Variants in ATP8A2 observed in about 807,000 individuals in gnomAD.
The protein encoded by ATP8A2 is phospholipid-transporting ATPase IB.
ATP8A2 carries 100 observed loss-of-function variants against 165.6 expected under a neutral mutation model. The ratio of observed to expected loss-of-function variants is 0.60; its 90% CI spans 0.51 to 0.71. ATP8A2 has a LOEUF of 0.71. Ranked by LOEUF, ATP8A2 falls within the 30% of genes least tolerant of loss-of-function variation. The pLI is 0.00. For synonymous variants in ATP8A2, 543 were observed against 548.8 expected (o/e 0.99, Z 0.15); for missense variants, 1,227 against 1,479.5 (o/e 0.83, Z 2.80).
intron 33 of ATP8A2, among the ~76,000 whole-genome samples, chr13:25,902,695 C>T (rs769977475): frequency 2.4e-4 from 36 of 152,146 alleles, no homozygotes; most frequent in Non-Finnish European, 4.6e-4. Context: ...TACATTTGCC[C>T]TTGACTGTTC....
intron 30 of ATP8A2, among the ~76,000 whole-genome samples, chr13:25,842,716 A>G (rs1029409999): frequency 3.3e-5 from 5 of 150,976 alleles, no homozygotes; most frequent in Admixed American, 6.6e-5. Context: ...GAAAGAAGGA[A>G]GGAAGGAAGG....
At chr13:25,647,236 T>C (rs1194270733) in intron 24 of ATP8A2, among the ~76,000 whole-genome samples, 1 of 152,238 alleles carries the variant, frequency 6.6e-6, no homozygotes, top group African/African-American at 2.4e-5. Flanking sequence ...TCACAGCCTT[T>C]TGTTTCAGCT....
intron 1 of ATP8A2, among the ~76,000 whole-genome samples, chr13:25,426,522 G>A (rs2034452183): frequency 6.6e-6 from 1 of 152,128 alleles, no homozygotes; most frequent in East Asian, 1.9e-4. Flanking sequence ...AAGCACGGAG[G>A]ATTTTGAGAG....
intron 27 of ATP8A2, among the ~76,000 whole-genome samples, chr13:25,805,287 T>G (rs1361735256): frequency 2.0e-5 from 3 of 152,026 alleles, no homozygotes; most frequent in Admixed American, 6.6e-5. Context: ...GGTGGACATA[T>G]CACTTGAGCC....
chr13:25,717,785 C>A (rs909482934), intron 25 of ATP8A2, among the ~76,000 whole-genome samples: 1 of 152,194 alleles, frequency 6.6e-6, no homozygotes, highest in Non-Finnish European at 1.5e-5. Context: ...CTGAATGCCT[C>A]CCTCAGTATA....
chr13:25,652,301 C>A (rs887351525), intron 24 of ATP8A2, among the ~76,000 whole-genome samples: 5 of 152,142 alleles, frequency 3.3e-5, no homozygotes, highest in African/African-American at 1.2e-4. Context: ...ATTCATTGAG[C>A]AAGCTTTTTC....
intron 2 of ATP8A2, among the ~76,000 whole-genome samples, chr13:25,509,526 T>A (rs1275500785): frequency 1.3e-5 from 2 of 152,126 alleles, no homozygotes; most frequent in Admixed American, 6.5e-5. Context: ...AAAAATAGTA[T>A]GTTTTCTGGA....
chr13:25,720,449 A>C (rs1040299845), intron 25 of ATP8A2, among the ~76,000 whole-genome samples: 1 of 152,078 alleles, frequency 6.6e-6, no homozygotes, highest in African/African-American at 2.4e-5. Flanking sequence ...GGCATGAGCC[A>C]CTGCGCCTGG....
intron 24 of ATP8A2, among the ~76,000 whole-genome samples, chr13:25,602,209 G>A (rs2040406199): frequency 6.6e-6 from 1 of 152,108 alleles, no homozygotes; most frequent in South Asian, 2.1e-4. Context: ...TCCTTTGAAG[G>A]CACTTGCATT....
Position 25,860,806 on chromosome 13 carries a change from T to C in ATP8A2, c.3021T>C (p.Tyr1007=). The C allele has an allele frequency of 6.3e-7, 1 of 1,592,858 alleles. No homozygotes were observed. Among genetic ancestry groups the C allele is most frequent in the Non-Finnish European group, 8.6e-7 (1 of 1,166,432 alleles). ...YLFVGNIVYT[Y]VVVTVCLKAG... Reference sequence around the variant, plus strand: ...CAAACTGTCTTTTATTTTCACAGTATGTTGTTGTTACTGTTTGTCTGAAAG... The same window carrying C: ...CAAACTGTCTTTTATTTTCACAGTACGTTGTTGTTACTGTTTGTCTGAAAG... The change falls in exon 32 of 37, where the codon TAT becomes TAC. Residue 1007 remains tyrosine, a splice_region_variant and synonymous_variant. Transcript: ENST00000381655.
At chr13:25,786,705 G>T (rs570577245) in intron 27 of ATP8A2, among the ~76,000 whole-genome samples, 360 of 150,148 alleles carry the variant, frequency 2.4e-3, no homozygotes, top group African/African-American at 7.3e-3. Context: ...TAAAAATAAG[G>T]TATAATTTAC....
At chr13:25,529,438 C>T (rs2037958754) in intron 2 of ATP8A2, among the ~76,000 whole-genome samples, 1 of 152,084 alleles carries the variant, frequency 6.6e-6, no homozygotes, top group African/African-American at 2.4e-5. Context: ...TGTAGGCTTG[C>T]ATGAGGAGTG....
chr13:25,393,506 C>T (rs2033319099), intron 1 of ATP8A2, among the ~76,000 whole-genome samples: 2 of 152,290 alleles, frequency 1.3e-5, no homozygotes, highest in Non-Finnish European at 2.9e-5. Flanking sequence ...ACCTCTGCCT[C>T]CTGGGTTCAA....
At chr13:25,937,798 G>A (rs560891467) in intron 33 of ATP8A2, among the ~76,000 whole-genome samples, 12 of 142,268 alleles carry the variant, frequency 8.4e-5, no homozygotes, top group South Asian at 2.2e-4. Context: ...GTAGTGAGCC[G>A]AGATGGCAAC....
intron 1 of ATP8A2, among the ~76,000 whole-genome samples, chr13:25,464,673 G>A (rs2035589225): frequency 6.6e-6 from 1 of 152,152 alleles, no homozygotes; most frequent in Non-Finnish European, 1.5e-5. Flanking sequence ...AGATGGTATT[G>A]CACGGTATGA....
At chr13:25,659,721 A>G (rs1267161318) in intron 24 of ATP8A2, among the ~76,000 whole-genome samples, 1 of 152,152 alleles carries the variant, frequency 6.6e-6, no homozygotes, top group Non-Finnish European at 1.5e-5. Flanking sequence ...AGAAACTTGT[A>G]AGGACCTCTC....
chr13:25,694,259 C>T lies in ATP8A2; in HGVS notation c.2212-4914C>T, dbSNP rs117922707. 5.9e-5 allele frequency among the ~76,000 whole-genome samples: 9 copies of T among 152,258 alleles called. No homozygotes were observed. In the East Asian group the frequency reaches 1.5e-3, roughly 26 times the overall value. ...TACAAAAAGCCACAGGCAATGGGCT[C>T]CACATTTCAGAGATTTTTATTCCTC... On this transcript the variant is annotated intron_variant, in intron 24 of 36. Transcript: ENST00000381655.
intron 24 of ATP8A2, among the ~76,000 whole-genome samples, chr13:25,676,120 T>C (rs549076661): frequency 3.3e-5 from 5 of 152,268 alleles, no homozygotes; most frequent in South Asian, 4.1e-4. Context: ...GAAGGATAAA[T>C]ATTCTAATAG....
At chr13:25,578,493 C>G (rs1172750056) in intron 20 of ATP8A2, among the ~76,000 whole-genome samples, 2 of 152,180 alleles carry the variant, frequency 1.3e-5, no homozygotes, top group South Asian at 2.1e-4. Flanking sequence ...GCGCAAACGC[C>G]TGATAAACTT....
Sources: gnomAD v4.1 joint callset for allele counts (sites outside exome capture counted in the v4.1 genomes callset) on GRCh38, gnomAD v4.1.1 for gene constraint, MANE v1.5 for transcripts, NCBI Gene and HGNC (gene_info 2026-07-23, HGNC 2026-07-21) for gene names.